NEGR1: variants seen among roughly 807,000 people sequenced by gnomAD.
NEGR1 encodes the protein neuronal growth regulator 1, also known as IgLON family member 4.
In NEGR1, 10 loss-of-function variants were observed where a neutral mutation model predicts 40.9. The observed-to-expected ratio is 0.24, with a 90% CI of 0.15 to 0.42. The LOEUF (loss-of-function observed/expected upper bound fraction) is 0.42, where lower values mean the gene tolerates loss of function less well. NEGR1 is among the 10% of genes least tolerant of loss of function. The pLI is 1.00. For missense variants in NEGR1, 352 were observed against 438.9 expected, an observed-to-expected ratio of 0.80 and a Z score of 1.77; for synonymous variants, 185 against 166.8, an observed-to-expected ratio of 1.11 and a Z score of -0.84.
chr1:72,101,391 G>C (rs1388837593), intron 1 of NEGR1, among the ~76,000 whole-genome samples: 1 of 152,066 alleles, frequency 6.6e-6, no homozygotes, highest in Non-Finnish European at 1.5e-5. Flanking sequence ...AGAATGCAAA[G>C]GAATGCTTTT....
At chr1:71,890,283 A>G (rs1480061494) in intron 2 of NEGR1, among the ~76,000 whole-genome samples, 1 of 32,228 alleles carries the variant, frequency 3.1e-5, no homozygotes, top group Admixed American at 5.7e-4. Context: ...AAGTTGGATA[A>G]AGAGTCAAGA....
At chr1:72,239,705 C>T (rs998919877) in intron 1 of NEGR1, among the ~76,000 whole-genome samples, 15 of 151,556 alleles carry the variant, frequency 9.9e-5, no homozygotes, top group African/African-American at 2.9e-4. Context: ...TGCCTAACAG[C>T]TTTCCATCAT....
intron 1 of NEGR1, among the ~76,000 whole-genome samples, chr1:72,174,576 T>C (rs1482808800): frequency 6.6e-6 from 1 of 152,126 alleles, no homozygotes; most frequent in African/African-American, 2.4e-5. Context: ...TTAAATTCTG[T>C]TTTACACGTA....
At chr1:71,959,459 A>G (rs1646145518) in intron 1 of NEGR1, among the ~76,000 whole-genome samples, 1 of 152,170 alleles carries the variant, frequency 6.6e-6, no homozygotes, top group Admixed American at 6.5e-5. Context: ...CTTTCTCTAT[A>G]TATCTCCTTG....
intron 1 of NEGR1, among the ~76,000 whole-genome samples, chr1:71,944,030 C>A (rs1273888720): frequency 3.3e-5 from 5 of 152,156 alleles, no homozygotes; most frequent in South Asian, 2.1e-4. Flanking sequence ...CAGAAAATTT[C>A]TTTGTCATCT....
chr1:72,013,579 A>G (rs914552417), intron 1 of NEGR1, among the ~76,000 whole-genome samples: 1 of 152,170 alleles, frequency 6.6e-6, no homozygotes, highest in African/African-American at 2.4e-5. Flanking sequence ...GTAAATAAGC[A>G]TAAGCACTAT....
At chr1:72,060,380 A>T (rs1286564187) in intron 1 of NEGR1, among the ~76,000 whole-genome samples, 1 of 151,722 alleles carries the variant, frequency 6.6e-6, no homozygotes, top group Non-Finnish European at 1.5e-5. Context: ...AAAGATGGTA[A>T]AAATTGATGA....
intron 2 of NEGR1, among the ~76,000 whole-genome samples, chr1:71,837,841 A>G (rs553219930): frequency 6.6e-6 from 1 of 152,250 alleles, no homozygotes; most frequent in African/African-American, 2.4e-5. Flanking sequence ...ATTAGAACAA[A>G]TACTAAAATA....
intron 2 of NEGR1, among the ~76,000 whole-genome samples, chr1:71,820,930 T>TAG (rs1472014748): frequency 6.6e-6 from 1 of 152,048 alleles, no homozygotes; most frequent in Non-Finnish European, 1.5e-5. Flanking sequence ...TTCTGAAAGA[T>TAG]AACTACAAGC....
At chr1:72,248,571 T>TA (rs1654977992) in intron 1 of NEGR1, among the ~76,000 whole-genome samples, 1 of 125,670 alleles carries the variant, frequency 8.0e-6, no homozygotes, top group South Asian at 2.5e-4. Context: ...GACTTCTATT[T>TA]TTATTTATTA....
chr1:71,664,754 A>T, intron 4 of NEGR1, among the ~76,000 whole-genome samples: 1 of 151,994 alleles, frequency 6.6e-6, no homozygotes. Context: ...CTCTTTGGTA[A>T]GGTTAGAGTA....
intron 4 of NEGR1, among the ~76,000 whole-genome samples, chr1:71,663,937 A>G (rs1652153639): frequency 6.6e-6 from 1 of 152,182 alleles, no homozygotes; most frequent in South Asian, 2.1e-4. Context: ...GATTCTATAC[A>G]AGCAATATAC....
At chr1:71,808,261 T>A (rs1341595189) in intron 2 of NEGR1, among the ~76,000 whole-genome samples, 2 of 152,216 alleles carry the variant, frequency 1.3e-5, no homozygotes, top group Non-Finnish European at 2.9e-5. Flanking sequence ...TTTTTCAAAC[T>A]TTATGAATTT....
intron 1 of NEGR1, among the ~76,000 whole-genome samples, chr1:72,020,074 C>T (rs1423619306): frequency 1.3e-5 from 2 of 152,182 alleles, no homozygotes; most frequent in Non-Finnish European, 2.9e-5. Flanking sequence ...AAGATTTAAA[C>T]ACTGCATACT....
intron 3 of NEGR1, among the ~76,000 whole-genome samples, chr1:71,764,872 G>T (rs1656067581): frequency 6.6e-6 from 1 of 152,166 alleles, no homozygotes; most frequent in African/African-American, 2.4e-5. Context: ...TTGTTTTGAA[G>T]TGTCATCTTC....
chr1:71,792,963 G>A (rs1657169900), intron 2 of NEGR1, among the ~76,000 whole-genome samples: 1 of 151,840 alleles, frequency 6.6e-6, no homozygotes, highest in Admixed American at 6.6e-5. Flanking sequence ...ATGATTCCCA[G>A]ATAAAGTTAC....
intron 6 of NEGR1, among the ~76,000 whole-genome samples, chr1:71,441,301 C>T (rs1031488987): frequency 1.8e-4 from 27 of 152,322 alleles, no homozygotes; most frequent in African/African-American, 6.0e-4. Flanking sequence ...TTATCGGCCC[C>T]AATCTTTTAG....
At chr1:71,762,864 C>T (rs1655993000) in intron 3 of NEGR1, among the ~76,000 whole-genome samples, 1 of 151,862 alleles carries the variant, frequency 6.6e-6, no homozygotes, top group Admixed American at 6.6e-5. Flanking sequence ...CATCATTTGG[C>T]AATAAAGGAG....
chr1:71,610,089 C>A (rs757478673), intron 5 of NEGR1, among the ~76,000 whole-genome samples: 1 of 152,158 alleles, frequency 6.6e-6, no homozygotes, highest in African/African-American at 2.4e-5. Flanking sequence ...TCAATTAAAC[C>A]TCTCTCCTTT....
Sources: allele counts gnomAD v4.1 joint callset (sites outside exome capture counted in the v4.1 genomes callset), GRCh38; gene constraint gnomAD v4.1.1; transcripts MANE v1.5; gene names NCBI Gene and HGNC (gene_info 2026-07-23, HGNC 2026-07-21).